The following TRAPPC9 variants were observed in gnomAD, a reference collection of about 807,000 sequenced individuals.
The protein encoded by TRAPPC9 is IKK2 binding protein.
TRAPPC9 carries 83 observed loss-of-function variants against 124.0 expected under a neutral mutation model. The ratio of observed to expected loss-of-function variants is 0.67; its 90% CI spans 0.56 to 0.80. TRAPPC9 has a LOEUF of 0.80. Ranked by LOEUF, TRAPPC9 falls within the 30% of genes least tolerant of loss-of-function variation. The pLI is 0.00. For missense variants in TRAPPC9, 1,302 were observed against 1,508.3 expected (o/e 0.86, Z 2.27); for synonymous variants, 638 against 617.5 (o/e 1.03, Z -0.49).
rs1342832334 is a variant in TRAPPC9 at position 140,287,684 on chromosome 8, A to G, written c.1905T>C (p.Ser635=). The G allele has an allele frequency of 6.2e-7, 1 of 1,614,234 alleles. No individual in the cohort carries two copies. The highest frequency in any genetic ancestry group is 1.1e-5 in the South Asian group (1 of 91,088). The part of the protein sequence containing the change: ...VEFESLPAAL[S]LPAESGLYPV... ...GGTACAGACCAGATTCAGCCGGAAG[A>G]GAAAGCGCCGCAGGGAGAGACTCGA... Residue 635 remains serine (S), a synonymous_variant, in exon 13 of 23, where the codon TCT becomes TCC. Transcript: ENST00000438773.
intron 17 of TRAPPC9, among the ~76,000 whole-genome samples, chr8:140,143,149 T>G (rs531103444): frequency 6.6e-6 from 1 of 152,204 alleles, no homozygotes; most frequent in East Asian, 1.9e-4. Context: ...CTGGTTAGCA[T>G]GCGTTTCCCT....
intron 21 of TRAPPC9, among the ~76,000 whole-genome samples, chr8:139,802,324 G>A (rs1304932069): frequency 6.6e-6 from 1 of 152,194 alleles, no homozygotes; most frequent in Admixed American, 6.5e-5. Flanking sequence ...ACGGGGACTG[G>A]CTTTTCACTA....
intron 19 of TRAPPC9, among the ~76,000 whole-genome samples, chr8:139,964,184 A>T (rs1289732808): frequency 1.5e-5 from 2 of 135,538 alleles, no homozygotes; most frequent in East Asian, 4.8e-4. Context: ...AGATCGCGCC[A>T]CCTGTACTCC....
intron 21 of TRAPPC9, among the ~76,000 whole-genome samples, chr8:139,875,095 T>C (rs544271825): frequency 2.6e-4 from 40 of 152,254 alleles, no homozygotes; most frequent in African/African-American, 8.7e-4. Context: ...TCCCAAATGG[T>C]ATTTCAAACA....
intron 15 of TRAPPC9, among the ~76,000 whole-genome samples, chr8:140,260,418 C>T (rs898857843): frequency 2.6e-5 from 4 of 152,122 alleles, no homozygotes; most frequent in Non-Finnish European, 5.9e-5. Flanking sequence ...TGTTGAAGTC[C>T]CCAGACTCAA....
intron 19 of TRAPPC9, among the ~76,000 whole-genome samples, chr8:139,939,474 C>T (rs941860317): frequency 6.6e-6 from 1 of 152,208 alleles, no homozygotes; most frequent in Non-Finnish European, 1.5e-5. Context: ...AGAGCCTCCC[C>T]AACCGAGACC....
chr8:140,406,117 G>GA (rs536420695), intron 5 of TRAPPC9, among the ~76,000 whole-genome samples: 5 of 149,498 alleles, frequency 3.3e-5, no homozygotes, highest in African/African-American at 7.4e-5. Flanking sequence ...ACACGGCATT[G>GA]AAAAAAAAAA....
At chr8:140,000,817 A>G (rs910239917) in intron 18 of TRAPPC9, among the ~76,000 whole-genome samples, 3 of 152,236 alleles carry the variant, frequency 2.0e-5, no homozygotes, top group Non-Finnish European at 2.9e-5. Context: ...TGTGAAAGAC[A>G]GTGTGGCGAT....
chr8:139,850,611 C>T (rs77450240), intron 21 of TRAPPC9, among the ~76,000 whole-genome samples: 1,658 of 152,354 alleles, frequency 0.011, 19 homozygotes, highest in Non-Finnish European at 0.017. Context: ...ATATAAGTCA[C>T]AGAAGGAAAA....
chr8:140,221,840 G>A (rs971442023), intron 16 of TRAPPC9, among the ~76,000 whole-genome samples: 96 of 152,154 alleles, frequency 6.3e-4, no homozygotes, highest in South Asian at 4.1e-4. Context: ...GTTTCACCAC[G>A]TTGCCCAGGC....
intron 21 of TRAPPC9, among the ~76,000 whole-genome samples, chr8:139,807,560 A>G (rs1054547233): frequency 6.6e-6 from 1 of 152,232 alleles, no homozygotes; most frequent in Admixed American, 6.5e-5. Context: ...TGAACAGCAC[A>G]GGAGCCGACA....
At chr8:140,231,447 A>AT (rs1230125285) in intron 16 of TRAPPC9, among the ~76,000 whole-genome samples, 2 of 97,824 alleles carry the variant, frequency 2.0e-5, no homozygotes, top group African/African-American at 8.2e-5. Context: ...TCCAAAGATT[A>AT]TTTTTTAAAA....
intron 20 of TRAPPC9, among the ~76,000 whole-genome samples, chr8:139,900,171 C>A (rs1830931024): frequency 6.6e-6 from 1 of 152,238 alleles, no homozygotes; most frequent in African/African-American, 2.4e-5. Flanking sequence ...TTTCCTGTTG[C>A]CGCTTCCCCT....
At chr8:140,212,790 G>GT (rs1278239056) in intron 17 of TRAPPC9, among the ~76,000 whole-genome samples, 4 of 151,856 alleles carry the variant, frequency 2.6e-5, no homozygotes, top group Non-Finnish European at 1.5e-5. Context: ...TTTTTAAGAA[G>GT]TTTTTTTTGG....
intron 17 of TRAPPC9, among the ~76,000 whole-genome samples, chr8:140,202,918 A>G (rs748031684): frequency 2.6e-5 from 4 of 152,262 alleles, no homozygotes; most frequent in Non-Finnish European, 5.9e-5. Flanking sequence ...GGAGAAACAG[A>G]TCCAATAAAA....
Position 140,437,106 on chromosome 8 carries a change from G to A in TRAPPC9, c.731-1866C>T, listed in dbSNP as rs2070840273. Among the ~76,000 whole-genome samples, 3 of 151,980 alleles carry A rather than the reference G, an allele frequency of 2.0e-5. No homozygotes were observed. In the South Asian group the frequency reaches 6.3e-4, roughly 32 times the overall value. On this transcript the variant is annotated intron_variant, in intron 3 of 22. Transcript: ENST00000438773. ...ACCCTCACAAGTAGCTGGGACTACA[G>A]GCACAGACCACCAAGCCCAGCTAAT...
chr8:140,044,833 G>A (rs1216429240), intron 17 of TRAPPC9, among the ~76,000 whole-genome samples: 2 of 152,094 alleles, frequency 1.3e-5, no homozygotes, highest in Non-Finnish European at 2.9e-5. Context: ...TGCTAAATAC[G>A]CATTTCTAAT....
At chr8:140,162,942 T>TA (rs1288205347) in intron 17 of TRAPPC9, among the ~76,000 whole-genome samples, 1 of 152,110 alleles carries the variant, frequency 6.6e-6, no homozygotes, top group Non-Finnish European at 1.5e-5. Flanking sequence ...TAGTTAGCTA[T>TA]AATTGCACCA....
At chr8:140,106,884 C>T (rs1054530587) in intron 17 of TRAPPC9, among the ~76,000 whole-genome samples, 9 of 152,132 alleles carry the variant, frequency 5.9e-5, no homozygotes, top group African/African-American at 1.9e-4. Flanking sequence ...TCTTTACATC[C>T]CTGGCAATTA....
Sources: allele counts gnomAD v4.1 joint callset (sites outside exome capture counted in the v4.1 genomes callset), GRCh38; gene constraint gnomAD v4.1.1; transcripts MANE v1.5; gene names NCBI Gene and HGNC (gene_info 2026-07-23, HGNC 2026-07-21).